HERC5: variants seen among roughly 807,000 people sequenced by gnomAD.
HERC5 encodes E3 ISG15--protein ligase HERC5.
HERC5 carries 99 observed loss-of-function variants against 119.6 expected under a neutral mutation model. The ratio of observed to expected loss-of-function variants is 0.83; its 90% CI spans 0.70 to 0.98. The LOEUF (loss-of-function observed/expected upper bound fraction) is 0.98. Among genes scored for constraint, HERC5 ranks in the 50% least tolerant of loss-of-function variants. HERC5 has a pLI of 0.00. For missense variants in HERC5, 1,267 were observed against 1,241.3 expected, an observed-to-expected ratio of 1.02 and a Z score of -0.31; for synonymous variants, 478 against 445.9, an observed-to-expected ratio of 1.07 and a Z score of -0.91.
intron 18 of HERC5, among the ~76,000 whole-genome samples, chr4:88,495,455 AAGGCTG>A (rs752399699): frequency 2.0e-5 from 3 of 152,164 alleles, no homozygotes; most frequent in Non-Finnish European, 4.4e-5. Context: ...CACACCTCAG[AAGGCTG>A]AGGCAGGTGG....
At chr4:88,465,240 T>C (rs959134288) in intron 6 of HERC5, among the ~76,000 whole-genome samples, 1 of 152,170 alleles carries the variant, frequency 6.6e-6, no homozygotes. Flanking sequence ...ATCAGATATA[T>C]CAGTCCACGT....
At chr4:88,498,000 C>G (rs925189796) in intron 18 of HERC5, among the ~76,000 whole-genome samples, 6 of 152,208 alleles carry the variant, frequency 3.9e-5, no homozygotes, top group African/African-American at 1.4e-4. Context: ...TGGCACAGTG[C>G]TCCTCAGCTG....
intron 2 of HERC5, 53 bp downstream of exon 2, chr4:88,459,523 T>C (rs532582357): frequency 2.7e-6 from 3 of 1,126,326 alleles, no homozygotes; most frequent in Admixed American, 5.2e-5. Context: ...AAGACAATAA[T>C]AATTTCTGTA....
chr4:88,468,365 G>T lies in HERC5; in HGVS notation c.1077G>T (p.Lys359Asn). ...TTTCAGAAAGCCATACCTCAGAAAA[G>T]GAGTTAATAATGATTGCTGGAGGGA... ...ELKLESHTSE[K>N]ELIMIAGGNQ... Residue 359 changes from lysine to asparagine, a missense_variant, in exon 8 of 23, where the codon AAG becomes AAT. Lys to Asn is a moderately conservative substitution (Grantham distance 94, BLOSUM62 0). Transcript: ENST00000264350. 6.2e-7 allele frequency: 1 copy of T among 1,610,628 alleles called. No homozygotes were observed. Among genetic ancestry groups the T allele is most frequent in the South Asian group, 1.1e-5 (1 of 90,326 alleles).
intron 20 of HERC5, among the ~76,000 whole-genome samples, chr4:88,503,624 G>T (rs1447392011): frequency 6.6e-6 from 1 of 151,988 alleles, no homozygotes; most frequent in Non-Finnish European, 1.5e-5. Context: ...TTCTATCCTT[G>T]TCTTGTTTGT....
At chr4:88,501,821 T>C (rs1741955022) in intron 20 of HERC5, among the ~76,000 whole-genome samples, 2 of 152,152 alleles carry the variant, frequency 1.3e-5, no homozygotes, top group African/African-American at 4.8e-5. Flanking sequence ...TCTTTTGAGA[T>C]GGCACCTCGC....
At chr4:88,479,992 G>T (rs373212378) in intron 13 of HERC5, among the ~76,000 whole-genome samples, 6 of 151,598 alleles carry the variant, frequency 4.0e-5, no homozygotes, top group Non-Finnish European at 4.4e-5. Flanking sequence ...GCGTGAACCC[G>T]GGAGGCGGAG....
At position 88,506,081 on chromosome 4, in the gene HERC5, C is replaced by T. The variant is rs1257382249; in HGVS notation, c.*203C>T. On this transcript the variant is annotated 3_prime_UTR_variant, in exon 23 of 23. Transcript: ENST00000264350. The stretch of plus-strand genomic sequence containing the variant: ...GTTAGAACCCGTGACTGTATTCTCT[C>T]CCTTGGATACCCCTATGCCTACATC... 3.5e-6 allele frequency: 2 copies of T among 570,724 alleles called. No homozygotes were observed. The highest frequency in any genetic ancestry group is 2.4e-5 in the South Asian group (1 of 42,024). 35.4% of individuals were successfully genotyped at this position (570,724 alleles called of 1,614,324 possible). A position where few individuals can be genotyped will look rare whatever the true frequency, so the allele number is the denominator to read the frequency against.
intron 3 of HERC5, 143 bp from the exon 4 acceptor site, chr4:88,461,992 C>CA (rs1740459435): frequency 1.5e-6 from 1 of 677,376 alleles, no homozygotes; most frequent in South Asian, 1.9e-5. Flanking sequence ...TTTTCTGTGG[C>CA]AGACATAGGG....
At chr4:88,480,945 T>TA (rs1741258160) in intron 13 of HERC5, among the ~76,000 whole-genome samples, 1 of 152,220 alleles carries the variant, frequency 6.6e-6, no homozygotes. Flanking sequence ...ATCCTAGTCT[T>TA]TTGCTTTATG....
rs563195615 is a variant in HERC5 at position 88,488,592 on chromosome 4, C to G, written c.1963-574C>G. Among the ~76,000 whole-genome samples, 3 of 152,130 alleles carry G rather than the reference C, an allele frequency of 2.0e-5. No homozygotes were observed. In the South Asian group the frequency reaches 6.2e-4, roughly 32 times the overall value. On this transcript the variant is annotated intron_variant, in intron 15 of 22. Transcript: ENST00000264350. ...TTTGGTTTCAGAATGGACATTCTGT[C>G]TGTCTGTCTGTCTCTCCCACTCTCT...
chr4:88,493,437 T>C (rs969830901), intron 17 of HERC5, among the ~76,000 whole-genome samples: 2 of 152,210 alleles, frequency 1.3e-5, no homozygotes, highest in Non-Finnish European at 2.9e-5. Flanking sequence ...GTACTCATTC[T>C]TTGTGTCAGT....
At chr4:88,470,975 CT>C (rs532295563) in intron 10 of HERC5, among the ~76,000 whole-genome samples, 95 of 144,664 alleles carry the variant, frequency 6.6e-4, no homozygotes, top group African/African-American at 8.5e-4. Context: ...TTGTTTTTTT[CT>C]TTTTTTTTTT....
Position 88,499,965 on chromosome 4 carries a change from T to G in HERC5, c.2484T>G (p.Phe828Leu). 2 of 1,606,902 alleles carry G rather than the reference T, an allele frequency of 1.2e-6. No individual in the cohort carries two copies. The highest frequency in any genetic ancestry group is 1.7e-6 in the Non-Finnish European group (2 of 1,173,782). The part of the protein sequence containing the change: ...QTLLDDEGDN[F>L]EEVFYIHFNV... ...TTCTGGATGATGAAGGTGATAACTTTGAGGAAGTATTTTACATCCATTTTA... is the reference window on the plus strand; with the variant it reads ...TTCTGGATGATGAAGGTGATAACTTGGAGGAAGTATTTTACATCCATTTTA... The change falls in exon 19 of 23, where the codon TTT (phenylalanine) becomes TTG (leucine). Residue 828 changes from phenylalanine (F) to leucine (L), a missense_variant. Around this residue, in one of 3 missense-constraint regions of HERC5, gnomAD observed 473 missense variants for 445.7 expected, o/e 1.06. Transcript: ENST00000264350.
In HERC5 at chr4:88,474,270, G is replaced by A. The variant is rs571735652; in HGVS notation, c.1393-1571G>A. ...TTTGGATGAATTGAGTCATTATTAG[G>A]GCAGTGAATGGTTAGCTCTTTTTAC... On this transcript the variant is annotated intron_variant, in intron 11 of 22. Transcript: ENST00000264350. Among the ~76,000 whole-genome samples the A allele has an allele frequency of 8.5e-5, 13 of 152,286 alleles. No homozygotes were observed. The South Asian group carries it at 2.7e-3, about 32-fold the overall frequency.
chr4:88,482,895 T>G (rs1741327754), intron 13 of HERC5, among the ~76,000 whole-genome samples: 1 of 152,130 alleles, frequency 6.6e-6, no homozygotes, highest in Non-Finnish European at 1.5e-5. Context: ...CCTCCCAAAG[T>G]GCTGGGATTA....
chr4:88,494,980 A>T (rs927460206), intron 18 of HERC5, among the ~76,000 whole-genome samples: 1 of 152,206 alleles, frequency 6.6e-6, no homozygotes, highest in South Asian at 2.1e-4. Flanking sequence ...AATTTCAGGT[A>T]TTATTCGTGG....
chr4:88,464,001 T>G lies in HERC5; in HGVS notation c.911+16T>G. ...CATGTGGAAGGTAAGTTGTAAAGTA[T>G]CAATAAGAATTGATAAAATGAGTGC... On this transcript the variant is annotated intron_variant, in intron 6 of 22. Coordinates refer to ENST00000264350, the MANE Select transcript of HERC5 (RefSeq NM_016323.4). The G allele has an allele frequency of 6.2e-7, 1 of 1,604,126 alleles. No homozygotes were observed. Among genetic ancestry groups the G allele is most frequent in the African/African-American group, 1.3e-5 (1 of 74,666 alleles).
intron 20 of HERC5, among the ~76,000 whole-genome samples, chr4:88,503,101 T>C (rs368105433): frequency 6.6e-6 from 1 of 152,194 alleles, no homozygotes; most frequent in African/African-American, 2.4e-5. Flanking sequence ...TATGAATATA[T>C]TCCCCTGTAT....
Sources: allele counts gnomAD v4.1 joint callset (sites outside exome capture counted in the v4.1 genomes callset), GRCh38; gene constraint gnomAD v4.1.1; regional missense constraint gnomAD v4.1.1; transcripts MANE v1.5; gene names NCBI Gene and HGNC (gene_info 2026-07-23, HGNC 2026-07-21).